The following USP28 variants were observed in gnomAD, a reference collection of about 807,000 sequenced individuals.
The protein encoded by USP28 is ubiquitin carboxyl-terminal hydrolase 28.
USP28 carries 113 observed loss-of-function variants against 145.0 expected under a neutral mutation model. The observed-to-expected ratio is 0.78, with a 90% CI of 0.67 to 0.91. USP28 has a LOEUF of 0.91. Among genes scored for constraint, USP28 ranks in the 40% least tolerant of loss-of-function variants. The pLI, the probability that USP28 is intolerant of heterozygous loss-of-function variation, is 0.00. For synonymous variants in USP28, 447 were observed against 450.9 expected, an observed-to-expected ratio of 0.99 and a Z score of 0.11; for missense variants, 1,201 against 1,289.6, an observed-to-expected ratio of 0.93 and a Z score of 1.05.
intron 13 of USP28, among the ~76,000 whole-genome samples, chr11:113,816,539 A>C (rs576549517): frequency 6.6e-6 from 1 of 152,090 alleles, no homozygotes; most frequent in South Asian, 2.1e-4. Context: ...AACAAACAAA[A>C]AAACCTCACT....
At chr11:113,829,567 C>T in intron 9 of USP28, 1 of 508,396 alleles carries the variant, frequency 2.0e-6, no homozygotes, top group Non-Finnish European at 3.4e-6. Context: ...GTGGCTTATG[C>T]CTGTAATCCC....
chr11:113,815,100 C>T (rs1941526213), intron 14 of USP28, 74 bp downstream of exon 14: 3 of 1,307,844 alleles, frequency 2.3e-6, no homozygotes, highest in South Asian at 1.3e-5. Context: ...GGAAGTGTAC[C>T]GAGGTGCTTA....
At chr11:113,805,259 CT>C (rs5794882) in intron 19 of USP28, among the ~76,000 whole-genome samples, 16 of 144,448 alleles carry the variant, frequency 1.1e-4, no homozygotes, top group Admixed American at 2.1e-4. Context: ...ACATACTGTA[CT>C]TTTTTTTTTT....
At position 113,823,589 on chromosome 11, in the gene USP28, G is replaced by C; in HGVS notation, c.1283+16C>G. The C allele has an allele frequency of 1.3e-6, 2 of 1,554,404 alleles. No homozygotes were observed. The highest frequency in any genetic ancestry group is 1.8e-6 in the Non-Finnish European group (2 of 1,131,358). The stretch of plus-strand genomic sequence containing the variant: ...ATTCTTTTACATTTCTAAGCATGAA[G>C]GTGTCCAAAACTCACCTTTCCAATT... On this transcript the variant is annotated intron_variant, in intron 12 of 24. Coordinates refer to ENST00000003302, the Ensembl canonical transcript of USP28.
At position 113,854,462 on chromosome 11, in the gene USP28, C is replaced by G. The variant is rs1351606518; in HGVS notation, c.58-127G>C. 3 of 799,344 alleles carry G rather than the reference C, an allele frequency of 3.8e-6. No individual in the cohort carries two copies. The East Asian group carries it at 8.5e-5, about 23-fold the overall frequency. 49.5% of individuals were successfully genotyped at this position (799,344 alleles called of 1,614,324 possible). ...GCTTGCCCAGGCTGGAGTGCAGTGG[C>G]CGGATCTCGGCTCACTGCAACCTCC... On this transcript the variant is annotated intron_variant, in intron 1 of 24. Coordinates refer to ENST00000003302, the Ensembl canonical transcript of USP28.
At chr11:113,867,789 A>G (rs1948428114) in intron 1 of USP28, among the ~76,000 whole-genome samples, 1 of 128,822 alleles carries the variant, frequency 7.8e-6, no homozygotes, top group Non-Finnish European at 1.6e-5. Context: ...CCCACACAAA[A>G]GGAAAGAAGG....
intron 3 of USP28, among the ~76,000 whole-genome samples, chr11:113,848,362 T>C (rs189101730): frequency 2.0e-4 from 31 of 152,214 alleles, no homozygotes; most frequent in African/African-American, 7.5e-4. Context: ...TGATCAACAA[T>C]TGTGTGGGGC....
chr11:113,799,114 G>C (rs1231363495), exon 25 of USP28: 3 of 1,051,934 alleles, frequency 2.9e-6, no homozygotes, highest in South Asian at 1.7e-5. Flanking sequence ...ATGCAGCATG[G>C]TTGGGGTCTG....
At chr11:113,833,615 G>A in intron 6 of USP28, 58 bp from the exon 7 acceptor site, 2 of 1,540,408 alleles carry the variant, frequency 1.3e-6, no homozygotes, top group Non-Finnish European at 1.7e-6. Context: ...ATCAGAACGT[G>A]TAAAGAAAAA....
chr11:113,849,623 A>C (rs1037953671), intron 3 of USP28, among the ~76,000 whole-genome samples: 1 of 152,182 alleles, frequency 6.6e-6, no homozygotes, highest in South Asian at 2.1e-4. Context: ...GATGCCAACC[A>C]GAAGAAATCC....
At chr11:113,834,537 AAATAGAAAC>A (rs565852310) in intron 5 of USP28, among the ~76,000 whole-genome samples, 144 of 152,342 alleles carry the variant, frequency 9.5e-4, no homozygotes, top group African/African-American at 3.3e-3. Flanking sequence ...TTTAGGTAAA[AAATAGAAAC>A]AACCTAATGT....
chr11:113,818,397 C>T (rs988815712), intron 12 of USP28, among the ~76,000 whole-genome samples: 5 of 152,052 alleles, frequency 3.3e-5, no homozygotes, highest in South Asian at 2.1e-4. Flanking sequence ...GTGATCCACC[C>T]GCCTTGGCCT....
intron 3 of USP28, among the ~76,000 whole-genome samples, chr11:113,851,836 T>C (rs1264240857): frequency 5.2e-5 from 3 of 57,690 alleles, no homozygotes; most frequent in Non-Finnish European, 1.4e-4. Context: ...CCCAGCACTC[T>C]TTTTTTCATT....
intron 3 of USP28, among the ~76,000 whole-genome samples, chr11:113,850,834 T>C (rs1298664227): frequency 6.6e-6 from 1 of 152,218 alleles, no homozygotes; most frequent in Non-Finnish European, 1.5e-5. Flanking sequence ...CAAGTCCACC[T>C]ACCTCCAGCC....
intron 1 of USP28, among the ~76,000 whole-genome samples, chr11:113,865,977 C>A (rs1948210284): frequency 6.6e-6 from 1 of 152,116 alleles, no homozygotes; most frequent in South Asian, 2.1e-4. Context: ...AAGAAATAAA[C>A]ACATACATCA....
chr11:113,870,336 G>A (rs1278995547), intron 1 of USP28, among the ~76,000 whole-genome samples: 2 of 152,136 alleles, frequency 1.3e-5, no homozygotes, highest in African/African-American at 4.8e-5. Context: ...AGACCAGCCT[G>A]GGCAACATAG....
At chr11:113,816,180 A>G (rs560288355) in intron 13 of USP28, among the ~76,000 whole-genome samples, 1 of 152,312 alleles carries the variant, frequency 6.6e-6, no homozygotes, top group South Asian at 2.1e-4. Context: ...CTTTTACACC[A>G]AAGCTGAAGA....
At chr11:113,822,730 A>G (rs1942816201) in intron 12 of USP28, among the ~76,000 whole-genome samples, 1 of 152,238 alleles carries the variant, frequency 6.6e-6, no homozygotes. Flanking sequence ...CACTTCCAGG[A>G]CAGTATTTGA....
At chr11:113,809,689 T>C (rs749945722) in intron 16 of USP28, among the ~76,000 whole-genome samples, 2 of 152,198 alleles carry the variant, frequency 1.3e-5, no homozygotes, top group Non-Finnish European at 2.9e-5. Context: ...TGACATTTAG[T>C]AGGCACTCAT....
Sources: allele counts gnomAD v4.1 joint callset (sites outside exome capture counted in the v4.1 genomes callset), GRCh38; gene constraint gnomAD v4.1.1; transcripts MANE v1.5; gene names NCBI Gene and HGNC (gene_info 2026-07-23, HGNC 2026-07-21).